RAI1: variants seen among roughly 807,000 people sequenced by gnomAD.
The protein encoded by RAI1 is retinoic acid induced 1, also known as retinoic acid-induced protein 1.
A neutral mutation model predicts 123.8 loss-of-function variants in RAI1; 9 were observed. The observed-to-expected ratio is 0.07, with a 90% CI of 0.04 to 0.13. The LOEUF (loss-of-function observed/expected upper bound fraction) is 0.13, where lower values mean the gene tolerates loss of function less well. Among genes scored for constraint, RAI1 ranks in the 10% least tolerant of loss-of-function variants. The probability of loss-of-function intolerance (pLI) is 1.00; values close to 1 mark genes in which losing one functional copy is unlikely to be tolerated. For missense variants in RAI1, 2,256 were observed against 2,545.8 expected, an observed-to-expected ratio of 0.89 and a Z score of 2.45; for synonymous variants, 1,231 against 1,127.3, an observed-to-expected ratio of 1.09 and a Z score of -1.84.
In RAI1 at chr17:17,793,782, G is replaced by C. The variant is rs751663101; in HGVS notation, c.834G>C (p.Gln278His). 7.7e-6 allele frequency: 6 copies of C among 783,942 alleles called. No homozygotes were observed. The highest frequency in any genetic ancestry group is 4.1e-4 in the Middle Eastern group (1 of 2,440). The allele number at this position is 783,942 out of a possible 1,614,324, so 48.6% of individuals were successfully genotyped here. A position where few individuals can be genotyped will look rare whatever the true frequency, so the allele number is the denominator to read the frequency against. ...AYQSGRLSYD[Q>H]QQQQQQQQQQ... is the part of the protein sequence containing the mutation. The stretch of plus-strand genomic sequence containing the variant: ...AGTCGGGCCGCCTCAGCTATGACCA[G>C]CAGCAGCAGCAGCAGCAGCAGCAGC... Residue 278 changes from glutamine to histidine, a missense_variant, in exon 3 of 6, where the codon CAG becomes CAC. By Grantham distance (24) the Gln-to-His change is conservative. Transcript: ENST00000353383.
At chr17:17,791,833 C>T (rs1039757998) in intron 2 of RAI1, among the ~76,000 whole-genome samples, 14 of 152,136 alleles carry the variant, frequency 9.2e-5, no homozygotes, top group African/African-American at 3.4e-4. Context: ...GTCAGATGCT[C>T]TGCTCTGAGA....
intron 3 of RAI1, 112 bp downstream of exon 3, chr17:17,798,625 C>T (rs2032354779): frequency 6.6e-7 from 1 of 1,509,448 alleles, no homozygotes; most frequent in South Asian, 1.2e-5. Context: ...AATGTGTCTG[C>T]AGTCTCGGGA....
intron 1 of RAI1, among the ~76,000 whole-genome samples, chr17:17,686,568 C>CGTGTGTGT (rs58906330): frequency 0.055 from 6,848 of 124,336 alleles, 244 homozygotes; most frequent in Middle Eastern, 0.084. Flanking sequence ...TTCTTGAACC[C>CGTGTGTGT]GTGTGTGTGT....
rs1185601412 is a variant in RAI1, at chr17:17,795,619, C to T, written c.2671C>T (p.Leu891=). The T allele has an allele frequency of 6.2e-7, 1 of 1,613,220 alleles. No individual in the cohort carries two copies. The highest frequency in any genetic ancestry group is 1.7e-5 in the Admixed American group (1 of 59,998). Residue 891 remains leucine (L), a synonymous_variant, in exon 3 of 6, where the codon CTG becomes TTG. Coordinates refer to ENST00000353383, the MANE Select transcript of RAI1 (RefSeq NM_030665.4). This position sits in a 1 kb window ranked among gnomAD's most constrained non-coding sequence, Gnocchi z 5.9. ...PEQRPGMQDP[L]SPKAPLICTK... ...GCAGAGGCCTGGCATGCAGGACCCGCTGTCACCCAAGGCCCCACTCATCTG... is the reference window on the plus strand; with the variant it reads ...GCAGAGGCCTGGCATGCAGGACCCGTTGTCACCCAAGGCCCCACTCATCTG...
intron 2 of RAI1, among the ~76,000 whole-genome samples, chr17:17,735,528 T>C (rs1303422504): frequency 6.6e-6 from 1 of 151,860 alleles, no homozygotes; most frequent in Non-Finnish European, 1.5e-5. Flanking sequence ...TGATTTTTTT[T>C]GTATTTTTAG....
At chr17:17,722,918 T>C (rs900280749) in intron 1 of RAI1, among the ~76,000 whole-genome samples, 3 of 152,126 alleles carry the variant, frequency 2.0e-5, no homozygotes, top group African/African-American at 7.2e-5. Context: ...CTTAAGCGGC[T>C]CTTCTGCCGC....
Position 17,795,633 on chromosome 17 carries a change from C to T in RAI1, c.2685C>T (p.Ala895=). The change falls in exon 3 of 6, where the codon GCC becomes GCT. Residue 895 remains alanine, a synonymous_variant. Transcript: ENST00000353383. The surrounding 1 kb of genome is among the most constrained non-coding windows in gnomAD (Gnocchi z 5.9). ...TGCAGGACCCGCTGTCACCCAAGGC[C>T]CCACTCATCTGCACCAAGGAGGAGG... ...PGMQDPLSPK[A]PLICTKEEVE... is the part of the protein sequence containing the mutation. The T allele has an allele frequency of 6.2e-7, 1 of 1,613,264 alleles. No homozygotes were observed. The highest frequency in any genetic ancestry group is 8.5e-7 in the Non-Finnish European group (1 of 1,179,890).
intron 2 of RAI1, among the ~76,000 whole-genome samples, chr17:17,739,775 G>A (rs1227032140): frequency 6.6e-6 from 1 of 152,192 alleles, no homozygotes; most frequent in Non-Finnish European, 1.5e-5. Flanking sequence ...GGTGGTGCGG[G>A]GTGGTGAGAG....
At chr17:17,765,545 C>T (rs557534519) in intron 2 of RAI1, among the ~76,000 whole-genome samples, 60 of 152,240 alleles carry the variant, frequency 3.9e-4, no homozygotes, top group Non-Finnish European at 7.5e-4. Context: ...GTGAGTCACA[C>T]GGTGGTGTTA....
rs752676204 is a variant in RAI1, at chr17:17,795,657, G to A, written c.2709G>A (p.Glu903=). ...CCCCACTCATCTGCACCAAGGAGGAGGTGGAGGAGGTGCTGGACTCCAAGG... is the reference window on the plus strand; with the variant it reads ...CCCCACTCATCTGCACCAAGGAGGAAGTGGAGGAGGTGCTGGACTCCAAGG... ...PKAPLICTKE[E]VEEVLDSKAG... Residue 903 remains glutamate (E), a synonymous_variant, in exon 3 of 6, where the codon GAG becomes GAA. Coordinates refer to ENST00000353383, the MANE Select transcript of RAI1 (RefSeq NM_030665.4). This position sits in a 1 kb window ranked among gnomAD's most constrained non-coding sequence, Gnocchi z 5.9. The A allele has an allele frequency of 1.2e-6, 2 of 1,612,810 alleles. No homozygotes were observed. The highest frequency in any genetic ancestry group is 1.7e-6 in the Non-Finnish European group (2 of 1,179,732).
intron 2 of RAI1, among the ~76,000 whole-genome samples, chr17:17,746,119 A>C (rs770479156): frequency 1.1e-4 from 17 of 151,974 alleles, no homozygotes; most frequent in South Asian, 4.1e-4. Context: ...CGAGCACTGG[A>C]AACGGCAGCC....
chr17:17,790,332 C>T (rs1435205991), intron 2 of RAI1, among the ~76,000 whole-genome samples: 3 of 152,150 alleles, frequency 2.0e-5, no homozygotes, highest in Non-Finnish European at 4.4e-5. Flanking sequence ...GGTGTTGGGG[C>T]GAGCATTTTT....
chr17:17,695,970 C>T (rs1915016950), intron 1 of RAI1, among the ~76,000 whole-genome samples: 1 of 152,206 alleles, frequency 6.6e-6, no homozygotes, highest in Admixed American at 6.5e-5. Flanking sequence ...CTTTCTCCCT[C>T]CTCACCCAGG....
chr17:17,776,384 T>C (rs1049311567), intron 2 of RAI1, among the ~76,000 whole-genome samples: 5 of 152,230 alleles, frequency 3.3e-5, no homozygotes, highest in African/African-American at 9.7e-5. Flanking sequence ...CACACTTTTT[T>C]TTTTGAGACA....
intron 2 of RAI1, among the ~76,000 whole-genome samples, chr17:17,784,586 G>A (rs1030698038): frequency 3.3e-5 from 5 of 152,206 alleles, no homozygotes; most frequent in Admixed American, 2.6e-4. Context: ...GTGGCTCGTT[G>A]CCCTTAACAG....
intron 2 of RAI1, among the ~76,000 whole-genome samples, chr17:17,775,334 GCTGAGACTACAGGCAT>G (rs2031302976): frequency 6.6e-6 from 1 of 151,706 alleles, no homozygotes; most frequent in Non-Finnish European, 1.5e-5. Context: ...CTCCCAAGTA[GCTGAGACTACAGGCAT>G]GCATCACCAT....
chr17:17,735,958 G>A (rs1029186565), intron 2 of RAI1, among the ~76,000 whole-genome samples: 1 of 152,214 alleles, frequency 6.6e-6, no homozygotes, highest in Non-Finnish European at 1.5e-5. Flanking sequence ...GACTGTGATT[G>A]TGTGTGTGGT....
At chr17:17,735,163 C>T (rs1567859412) in intron 2 of RAI1, among the ~76,000 whole-genome samples, 2 of 151,978 alleles carry the variant, frequency 1.3e-5, no homozygotes, top group South Asian at 2.1e-4. Context: ...AGCAATTGTC[C>T]TGCCTCAGCC....
chr17:17,811,078 C>T lies in RAI1; in HGVS notation c.*1097C>T, dbSNP rs1278556719. On this transcript the variant is annotated 3_prime_UTR_variant, in exon 6 of 6. Coordinates refer to ENST00000353383, the MANE Select transcript of RAI1 (RefSeq NM_030665.4). ...CAGCCACCACCGGCCCGGGCCAGTCCCTGCCAGTCCGTCCGCCTGTCCGTC... is the reference window on the plus strand; with the variant it reads ...CAGCCACCACCGGCCCGGGCCAGTCTCTGCCAGTCCGTCCGCCTGTCCGTC... The T allele has an allele frequency of 2.7e-5, 8 of 296,734 alleles. No individual in the cohort carries two copies. The highest frequency in any genetic ancestry group is 2.0e-4 in the South Asian group (8 of 39,796). The allele number at this position is 296,734 out of a possible 1,614,324, so 18.4% of individuals were successfully genotyped here.
Sources: gnomAD v4.1 joint callset for allele counts (sites outside exome capture counted in the v4.1 genomes callset) on GRCh38, gnomAD v4.1.1 for gene constraint, Gnocchi (gnomAD v3.1) non-coding constraint, MANE v1.5 for transcripts, NCBI Gene and HGNC (gene_info 2026-07-23, HGNC 2026-07-21) for gene names.